Variants in POMGNT1 observed in about 807,000 individuals in gnomAD.
POMGNT1 encodes the protein protein O-linked mannose N-acetylglucosaminyltransferase 1 (beta 1,2-).
A neutral mutation model predicts 95.6 loss-of-function variants in POMGNT1; 67 were observed. The ratio of observed to expected loss-of-function variants is 0.70; its 90% CI spans 0.58 to 0.86. The LOEUF (loss-of-function observed/expected upper bound fraction) is 0.86. POMGNT1 is among the 40% of genes least tolerant of loss of function. The pLI is 0.00. For synonymous variants in POMGNT1, 298 were observed against 317.9 expected, an observed-to-expected ratio of 0.94 and a Z score of 0.66; for missense variants, 719 against 855.2, an observed-to-expected ratio of 0.84 and a Z score of 1.99.
chr1:46,193,278 C>T lies in POMGNT1; in HGVS notation c.1110+27G>A, dbSNP rs532548348. 2.3e-5 allele frequency: 37 copies of T among 1,613,788 alleles called. No individual in the cohort carries two copies. The South Asian group carries it at 3.8e-4, about 17-fold the overall frequency. On this transcript the variant is annotated intron_variant, in intron 12 of 21. Coordinates refer to ENST00000371984, the MANE Select transcript of POMGNT1 (RefSeq NM_017739.4). ...GGTAGAAGGCAGAGCCAGGTGTCTGCCCCATCCCCACTTGCCTATGCAGTA... is the reference window on the plus strand; with the variant it reads ...GGTAGAAGGCAGAGCCAGGTGTCTGTCCCATCCCCACTTGCCTATGCAGTA...
At chr1:46,191,779 C>T (rs7552589) in intron 17 of POMGNT1, 5 of 358,128 alleles carry the variant, frequency 1.4e-5, no homozygotes, top group African/African-American at 6.4e-5. Context: ...GGACTACAGG[C>T]GCCCATCACC....
upstream of POMGNT1, among the ~76,000 whole-genome samples, chr1:46,199,764 T>C (rs1658479875): frequency 6.6e-6 from 1 of 152,204 alleles, no homozygotes; most frequent in Non-Finnish European, 1.5e-5. Context: ...GGTGGGGTAA[T>C]ATCCCCCAAA....
intron 12 of POMGNT1, 25 bp downstream of exon 12, chr1:46,193,280 C>T: frequency 1.2e-6 from 2 of 1,613,808 alleles, no homozygotes; most frequent in Non-Finnish European, 1.7e-6. Flanking sequence ...GGTGTCTGCC[C>T]CATCCCCACT....
At position 46,189,857 on chromosome 1, in the gene POMGNT1, G is replaced by A; in HGVS notation, c.1782C>T (p.Ala594=). 1 of 1,613,824 alleles carries A rather than the reference G, an allele frequency of 6.2e-7. No individual in the cohort carries two copies. The highest frequency in any genetic ancestry group is 8.5e-7 in the Non-Finnish European group (1 of 1,179,994). ...GGTGGGCATGGTATTGGAGCACCTT[G>A]GCAAGCTGGGTCCAGGTGGTGAAGT... ...DDDFTTWTQL[A]KCLHIWDLDV... is the part of the protein sequence containing the mutation. The change falls in exon 20 of 22, where the codon GCC becomes GCT. Residue 594 remains alanine (A), a synonymous_variant. Coordinates refer to ENST00000371984, the MANE Select transcript of POMGNT1 (RefSeq NM_017739.4).
chr1:46,189,407 C>T, intron 21 of POMGNT1, 50 bp from the exon 22 acceptor site: 1 of 1,613,836 alleles, frequency 6.2e-7, no homozygotes, highest in Non-Finnish European at 8.5e-7. Flanking sequence ...TAGCTATATC[C>T]CTGGATCTCA....
In POMGNT1 at chr1:46,210,270, G is replaced by C. The variant is rs141809151; in HGVS notation, c.-51+9435C>G. Among the ~76,000 whole-genome samples the C allele has an allele frequency of 3.9e-5, 6 of 152,200 alleles. No homozygotes were observed. In the East Asian group the frequency reaches 1.2e-3, roughly 29 times the overall value. On this transcript the variant is annotated intron_variant, in intron 1 of 22. Coordinates refer to the POMGNT1 transcript ENST00000371992. ...GTGTTTAGAAAACCCTAAACTGTGT[G>C]TGTGTGTTTTTTTAATTTTTTCACT... is the stretch of plus-strand genomic sequence containing the variant.
In POMGNT1 at chr1:46,195,887, G is replaced by C. The variant is rs1048865247; in HGVS notation, c.458C>G (p.Ser153Ter). Residue 153 changes from serine to a stop codon, truncating the protein, a stop_gained, in exon 6 of 22, where the codon TCA becomes TGA. Coordinates refer to ENST00000371984, the MANE Select transcript of POMGNT1 (RefSeq NM_017739.4). LOFTEE classifies it high-confidence loss of function. ...VMAKRVFDTY[S>*]PHEDEAMVLF... Reference sequence around the variant, plus strand: ...CACCATGGCCTCATCCTCATGAGGTGAGTACGTGTCAAACACACGTTTTGC... The same window carrying C: ...CACCATGGCCTCATCCTCATGAGGTCAGTACGTGTCAAACACACGTTTTGC... 6 of 1,613,572 alleles carry C rather than the reference G, an allele frequency of 3.7e-6. No homozygotes were observed. Among genetic ancestry groups the C allele is most frequent in the Admixed American group, 1.7e-5 (1 of 59,940 alleles).
intron 17 of POMGNT1, 185 bp downstream of exon 17, chr1:46,191,913 C>T (rs1657798260): frequency 9.8e-6 from 9 of 922,216 alleles, no homozygotes; most frequent in South Asian, 1.5e-5. Flanking sequence ...GGATTACAGG[C>T]GTGAGCCACC....
chr1:46,212,861 A>G (rs1368769261), intron 1 of POMGNT1, among the ~76,000 whole-genome samples: 1 of 151,640 alleles, frequency 6.6e-6, no homozygotes, highest in African/African-American at 2.4e-5. Flanking sequence ...CCGAGTTCAC[A>G]CCATTCTCTT....
intron 18 of POMGNT1, 27 bp from the exon 19 acceptor site, chr1:46,190,544 G>C: frequency 6.3e-7 from 1 of 1,587,482 alleles, no homozygotes; most frequent in South Asian, 1.1e-5. Context: ...AATGGGTCAG[G>C]GGAGTGGGCA....
intron 1 of POMGNT1, among the ~76,000 whole-genome samples, chr1:46,208,121 A>G (rs1464371468): frequency 6.6e-6 from 1 of 152,060 alleles, no homozygotes; most frequent in East Asian, 1.9e-4. Context: ...TGGCCTCCCA[A>G]AGTGCTGGGA....
upstream of POMGNT1, among the ~76,000 whole-genome samples, chr1:46,199,892 G>A (rs1658482812): frequency 6.6e-6 from 1 of 152,080 alleles, no homozygotes; most frequent in South Asian, 2.1e-4. Flanking sequence ...AAGATGTCCC[G>A]GCTGGGCACC....
upstream of POMGNT1, chr1:46,198,522 G>GGCA (rs1260026192): frequency 2.1e-5 from 3 of 143,592 alleles, no homozygotes; most frequent in African/African-American, 8.5e-5. Flanking sequence ...TGCTTAGGGC[G>GGCA]GCGGCGGCGG....
chr1:46,194,215 G>C (rs1279662277), intron 9 of POMGNT1, 59 bp downstream of exon 9: 1 of 1,613,742 alleles, frequency 6.2e-7, no homozygotes. Flanking sequence ...ATCATTCCTG[G>C]GGCCCCCCTG....
At chr1:46,201,717 AAAAAG>A (rs1200301086), upstream of POMGNT1, among the ~76,000 whole-genome samples, 1 of 151,254 alleles carries the variant, frequency 6.6e-6, no homozygotes, top group Non-Finnish European at 1.5e-5. Context: ...AAAAAAAAGA[AAAAAG>A]AAAGAAAAGA....
In POMGNT1 at chr1:46,190,638, G is replaced by T. The variant is rs1657691034; in HGVS notation, c.1604+82C>A. 3 of 1,534,898 alleles carry T rather than the reference G, an allele frequency of 2.0e-6. No individual in the cohort carries two copies. The South Asian group carries it at 3.4e-5, about 17-fold the overall frequency. Reference sequence around the variant, plus strand: ...GCCGCAGGGCTGGAGTAAACACACAGGCCCAGCATTGGAAGGGACTTTCAG... The same window carrying T: ...GCCGCAGGGCTGGAGTAAACACACATGCCCAGCATTGGAAGGGACTTTCAG... On this transcript the variant is annotated intron_variant, in intron 18 of 21. Coordinates refer to ENST00000371984, the MANE Select transcript of POMGNT1 (RefSeq NM_017739.4).
At position 46,196,888 on chromosome 1, in the gene POMGNT1, C is replaced by T; in HGVS notation, c.236-39G>A. 2 of 1,614,174 alleles carry T rather than the reference C, an allele frequency of 1.2e-6. No homozygotes were observed. The highest frequency in any genetic ancestry group is 1.7e-6 in the Non-Finnish European group (2 of 1,180,030). On this transcript the variant is annotated intron_variant, in intron 3 of 21. Coordinates refer to ENST00000371984, the MANE Select transcript of POMGNT1 (RefSeq NM_017739.4). The surrounding 1 kb of genome is among the most constrained non-coding windows in gnomAD (Gnocchi z 4.4). ...CAGGTCATGGAGATAGTCTCCTCAGCAGAGTCTCACCGCTTAGGGTCTGCC... is the reference window on the plus strand; with the variant it reads ...CAGGTCATGGAGATAGTCTCCTCAGTAGAGTCTCACCGCTTAGGGTCTGCC...
At chr1:46,190,910 CCCA>C (rs1571650969) in intron 17 of POMGNT1, 126 bp from the exon 18 acceptor site, 1 of 877,822 alleles carries the variant, frequency 1.1e-6, no homozygotes, top group East Asian at 2.6e-5. Context: ...CCTCTAATTT[CCCA>C]CCGTCTTCTC....
intron 1 of POMGNT1, among the ~76,000 whole-genome samples, chr1:46,204,188 C>T (rs1281900761): frequency 6.6e-6 from 1 of 152,150 alleles, no homozygotes; most frequent in Non-Finnish European, 1.5e-5. Context: ...TTCCTAGACC[C>T]ATAGCAGGGA....
Sources: allele counts gnomAD v4.1 joint callset (sites outside exome capture counted in the v4.1 genomes callset), GRCh38; gene constraint gnomAD v4.1.1; non-coding constraint Gnocchi (gnomAD v3.1); transcripts MANE v1.5; gene names NCBI Gene and HGNC (gene_info 2026-07-23, HGNC 2026-07-21).